Variants in CCDC170 observed in about 807,000 individuals in gnomAD.
CCDC170 encodes the protein coiled-coil domain containing 170, also known as coiled-coil domain-containing protein 170.
CCDC170 carries 69 observed loss-of-function variants against 72.6 expected under a neutral mutation model. The ratio of observed to expected loss-of-function variants is 0.95; its 90% CI spans 0.78 to 1.16. The LOEUF (loss-of-function observed/expected upper bound fraction) is 1.16. Among genes scored for constraint, CCDC170 ranks in the 50% most tolerant of loss-of-function variants. The pLI is 0.00. For synonymous variants in CCDC170, 300 were observed against 303.9 expected, an observed-to-expected ratio of 0.99 and a Z score of 0.13; for missense variants, 852 against 832.5, an observed-to-expected ratio of 1.02 and a Z score of -0.29.
In CCDC170 at chr6:151,586,052, G is replaced by T; in HGVS notation, c.1256G>T (p.Gly419Val). The T allele has an allele frequency of 6.2e-7, 1 of 1,614,160 alleles. No homozygotes were observed. Among genetic ancestry groups the T allele is most frequent in the Non-Finnish European group, 8.5e-7 (1 of 1,180,002 alleles). The change falls in exon 7 of 11, where the codon GGT becomes GTT. Residue 419 changes from glycine to valine, a missense_variant. Coordinates refer to ENST00000239374, the MANE Select transcript of CCDC170 (RefSeq NM_025059.4). The stretch of plus-strand genomic sequence containing the variant: ...CTGGAGGCAGAGCTGGTTTCTGGAG[G>T]TGTTTTGCGAGACAACTTGAATTTT... ...THLEAELVSGGVLRDNLNFEK... is the reference protein window; with the variant it reads ...THLEAELVSGVVLRDNLNFEK...
chr6:151,565,713 C>T (rs1776124252), intron 5 of CCDC170, among the ~76,000 whole-genome samples: 1 of 152,144 alleles, frequency 6.6e-6, no homozygotes, highest in South Asian at 2.1e-4. Flanking sequence ...TTTTTAGCCT[C>T]TTCTTTCTAT....
chr6:151,575,564 C>T (rs1264651154), intron 6 of CCDC170, among the ~76,000 whole-genome samples: 3 of 107,246 alleles, frequency 2.8e-5, no homozygotes, highest in Non-Finnish European at 1.7e-5. Context: ...GAGTCTCGCT[C>T]TGTCACCCAG....
intron 4 of CCDC170, among the ~76,000 whole-genome samples, chr6:151,545,832 C>G (rs1782762696): frequency 6.6e-6 from 1 of 152,094 alleles, no homozygotes; most frequent in African/African-American, 2.4e-5. Context: ...TGAGGTCTTC[C>G]TATGTTGTCC....
At chr6:151,530,083 A>G (rs1023927344) in intron 1 of CCDC170, among the ~76,000 whole-genome samples, 3 of 152,220 alleles carry the variant, frequency 2.0e-5, no homozygotes, top group Admixed American at 6.5e-5. Flanking sequence ...ATTACTGAAT[A>G]TAATTTCATT....
intron 1 of CCDC170, among the ~76,000 whole-genome samples, chr6:151,526,370 C>T (rs571007046): frequency 1.8e-4 from 28 of 151,462 alleles, no homozygotes; most frequent in Non-Finnish European, 3.1e-4. Flanking sequence ...TACAGGCATG[C>T]GCTACCACGC....
At chr6:151,532,911 T>C (rs1297781579) in intron 1 of CCDC170, among the ~76,000 whole-genome samples, 1 of 152,258 alleles carries the variant, frequency 6.6e-6, no homozygotes, top group Non-Finnish European at 1.5e-5. Context: ...ATTTTTTGTC[T>C]GTGTTTGTCT....
chr6:151,552,831 G>A (rs966716120), intron 5 of CCDC170, among the ~76,000 whole-genome samples: 2 of 136,010 alleles, frequency 1.5e-5, no homozygotes, highest in African/African-American at 5.6e-5. Context: ...TCTGTCTCCA[G>A]GCTGGAGTCC....
intron 6 of CCDC170, among the ~76,000 whole-genome samples, chr6:151,576,658 T>G (rs542494672): frequency 6.6e-6 from 1 of 152,304 alleles, no homozygotes; most frequent in African/African-American, 2.4e-5. Flanking sequence ...TTTCAATAGC[T>G]GCCCTCCCTA....
In CCDC170 at chr6:151,552,779, CTTTTTTTTTTTTTTTTTT is replaced by C. The variant is rs71014597; in HGVS notation, c.774+4301_774+4318del. 5.3e-5 allele frequency among the ~76,000 whole-genome samples: 3 copies of C among 56,708 alleles called. No individual in the cohort carries two copies. The East Asian group carries it at 2.0e-3, about 38-fold the overall frequency. 37.2% of individuals were successfully genotyped at this position (56,708 alleles called of 152,430 possible). On this transcript the variant is annotated intron_variant, in intron 5 of 10. Coordinates refer to ENST00000239374, the MANE Select transcript of CCDC170 (RefSeq NM_025059.4). ...CTAAAACCAGCCAAATCAGCCAATT[CTTTTTTTTTTTTTTTTTT>C]TTTTTTTTTTGAGACAGAGTCTTTC...
intron 6 of CCDC170, among the ~76,000 whole-genome samples, chr6:151,573,765 A>G (rs945688493): frequency 6.6e-6 from 1 of 152,176 alleles, no homozygotes; most frequent in Non-Finnish European, 1.5e-5. Context: ...TTATAAAACC[A>G]TCAGATCTCC....
chr6:151,515,824 T>C (rs1782226329), intron 1 of CCDC170, among the ~76,000 whole-genome samples: 1 of 152,104 alleles, frequency 6.6e-6, no homozygotes, highest in Admixed American at 6.5e-5. Flanking sequence ...TCTCAACTCT[T>C]TGGAAGTCCG....
At chr6:151,507,887 C>CT (rs1316301191) in intron 1 of CCDC170, among the ~76,000 whole-genome samples, 1 of 150,542 alleles carries the variant, frequency 6.6e-6, no homozygotes, top group Non-Finnish European at 1.5e-5. Context: ...TGCCACTGTA[C>CT]TCCAGCCTGA....
chr6:151,599,880 T>C (rs1303074365), intron 9 of CCDC170, among the ~76,000 whole-genome samples: 1 of 152,180 alleles, frequency 6.6e-6, no homozygotes, highest in East Asian at 1.9e-4. Context: ...CCGGGATACT[T>C]GGATGAAAAG....
At chr6:151,515,433 T>A (rs1377963758) in intron 1 of CCDC170, among the ~76,000 whole-genome samples, 1 of 152,116 alleles carries the variant, frequency 6.6e-6, no homozygotes, top group African/African-American at 2.4e-5. Flanking sequence ...CAGGTGCACA[T>A]CACCACACCT....
intron 3 of CCDC170, among the ~76,000 whole-genome samples, chr6:151,540,372 G>GTTTTTTTTTTTTTTT (rs1782668488): frequency 2.7e-5 from 1 of 36,926 alleles, no homozygotes; most frequent in Non-Finnish European, 6.2e-5. Flanking sequence ...TTCTGCTGCT[G>GTTTTTTTTTTTTTTT]CTTTTTTTTT....
At chr6:151,515,158 C>T (rs1782216423) in intron 1 of CCDC170, among the ~76,000 whole-genome samples, 1 of 152,238 alleles carries the variant, frequency 6.6e-6, no homozygotes. Context: ...TCAAAATTAT[C>T]CTTGAAATGC....
chr6:151,591,978 A>C (rs78081256), intron 7 of CCDC170, among the ~76,000 whole-genome samples: 15 of 147,052 alleles, frequency 1.0e-4, no homozygotes, highest in African/African-American at 4.1e-4. Context: ...TGCCAGTGAC[A>C]ACCTTTGAGG....
intron 1 of CCDC170, among the ~76,000 whole-genome samples, chr6:151,517,923 T>C (rs1782261182): frequency 6.6e-6 from 1 of 152,072 alleles, no homozygotes; most frequent in Non-Finnish European, 1.5e-5. Context: ...TTTGCTTCTT[T>C]TTTTTTTTTC....
intron 5 of CCDC170, among the ~76,000 whole-genome samples, chr6:151,570,271 C>T (rs961998773): frequency 2.0e-5 from 3 of 152,102 alleles, no homozygotes; most frequent in Non-Finnish European, 2.9e-5. Context: ...TTTTAGAATT[C>T]TAAAGTGATT....
Sources: allele counts gnomAD v4.1 joint callset (sites outside exome capture counted in the v4.1 genomes callset), GRCh38; gene constraint gnomAD v4.1.1; transcripts MANE v1.5; gene names NCBI Gene and HGNC (gene_info 2026-07-23, HGNC 2026-07-21).